The following TRPS1 variants were observed in gnomAD, a reference collection of about 807,000 sequenced individuals.
The protein encoded by TRPS1 is zinc finger transcription factor Trps1.
A neutral mutation model predicts 101.2 loss-of-function variants in TRPS1; 6 were observed. The observed-to-expected ratio is 0.06, with a 90% CI of 0.03 to 0.12. The LOEUF is 0.12. Among genes scored for constraint, TRPS1 ranks in the 10% least tolerant of loss-of-function variants. The probability of loss-of-function intolerance (pLI) is 1.00; values close to 1 mark genes in which losing one functional copy is unlikely to be tolerated. For synonymous variants in TRPS1, 578 were observed against 589.8 expected (o/e 0.98, Z 0.29); for missense variants, 1,363 against 1,567.0 (o/e 0.87, Z 2.20).
intron 5 of TRPS1, among the ~76,000 whole-genome samples, chr8:115,579,480 G>A (rs1260384628): frequency 6.6e-6 from 1 of 152,000 alleles, no homozygotes; most frequent in African/African-American, 2.4e-5. Context: ...ACAGGCAAAT[G>A]CAATTCAATA....
intron 3 of TRPS1, 132 bp downstream of exon 3, chr8:115,619,000 T>G: frequency 2.3e-6 from 2 of 881,562 alleles, no homozygotes; most frequent in South Asian, 3.1e-5. Context: ...CTATGGAGTG[T>G]GTCCATCTCT....
chr8:115,607,858 C>A (rs1273090641), intron 3 of TRPS1, among the ~76,000 whole-genome samples: 1 of 152,012 alleles, frequency 6.6e-6, no homozygotes, highest in East Asian at 1.9e-4. Flanking sequence ...TGACATACAA[C>A]ATTTAAATGC....
At chr8:115,424,960 C>G (rs1439371597) in intron 5 of TRPS1, among the ~76,000 whole-genome samples, 2 of 152,158 alleles carry the variant, frequency 1.3e-5, no homozygotes, top group African/African-American at 4.8e-5. Context: ...TGTCCCTCCC[C>G]TCTTCCCCTC....
chr8:115,591,718 A>G (rs1233726549), intron 4 of TRPS1, among the ~76,000 whole-genome samples: 1 of 152,186 alleles, frequency 6.6e-6, no homozygotes, highest in Non-Finnish European at 1.5e-5. Context: ...TACAAAGGAA[A>G]CAGAAAGTGC....
chr8:115,580,789 A>G (rs1359268028), intron 5 of TRPS1, among the ~76,000 whole-genome samples: 2 of 152,098 alleles, frequency 1.3e-5, no homozygotes, highest in Non-Finnish European at 2.9e-5. Flanking sequence ...AGTGCTATTA[A>G]TGTGGGTGGG....
chr8:115,569,821 C>T (rs1431814950), intron 5 of TRPS1, among the ~76,000 whole-genome samples: 1 of 151,922 alleles, frequency 6.6e-6, no homozygotes, highest in Non-Finnish European at 1.5e-5. Flanking sequence ...CAACACTTGC[C>T]AGCACTGTGT....
chr8:115,641,721 G>A (rs190510327), intron 1 of TRPS1, among the ~76,000 whole-genome samples: 1 of 152,036 alleles, frequency 6.6e-6, no homozygotes, highest in East Asian at 1.9e-4. Context: ...CTCTACTAAA[G>A]TACAAAAAAT....
rs561284240 is a variant in TRPS1 at position 115,536,180 on chromosome 8, C to G, written c.2700+50821G>C. On this transcript the variant is annotated intron_variant, in intron 5 of 6. Transcript: ENST00000395715. ...TTTTACATAATGTAATTCATTTAAT[C>G]CTAAACTTGCAAGAAATAGTTTTAA... Among the ~76,000 whole-genome samples, 108 of 152,052 alleles carry G rather than the reference C, an allele frequency of 7.1e-4. 1 individual carries two copies. The highest frequency in any genetic ancestry group is 2.5e-3 in the Admixed American group (38 of 15,268).
At chr8:115,536,024 GTACAATAATAAAAT>G (rs923750265) in intron 5 of TRPS1, among the ~76,000 whole-genome samples, 3 of 151,898 alleles carry the variant, frequency 2.0e-5, no homozygotes, top group African/African-American at 7.2e-5. Flanking sequence ...AGACTGAATT[GTACAATAATAAAAT>G]TAGATGATTA....
At chr8:115,567,764 T>C (rs1315003424) in intron 5 of TRPS1, among the ~76,000 whole-genome samples, 1 of 152,138 alleles carries the variant, frequency 6.6e-6, no homozygotes, top group Non-Finnish European at 1.5e-5. Flanking sequence ...ATGTGCTCCT[T>C]GGTCCATTTC....
chr8:115,515,124 G>A, intron 5 of TRPS1: 1 of 631,534 alleles, frequency 1.6e-6, no homozygotes, highest in South Asian at 1.7e-5. Flanking sequence ...TTAAGTTGGG[G>A]AGAATGATAG....
chr8:115,613,894 T>C (rs1219920522), intron 3 of TRPS1, among the ~76,000 whole-genome samples: 1 of 152,202 alleles, frequency 6.6e-6, no homozygotes, highest in African/African-American at 2.4e-5. Flanking sequence ...GAAAAATAAA[T>C]TTTACATTTG....
Position 115,563,294 on chromosome 8 carries a change from C to T in TRPS1, c.2700+23707G>A, listed in dbSNP as rs1446214561. Among the ~76,000 whole-genome samples, 3 of 151,940 alleles carry T rather than the reference C, an allele frequency of 2.0e-5. No homozygotes were observed. In the East Asian group the frequency reaches 5.8e-4, roughly 30 times the overall value. ...GTTGTCTGCATTTTCTTATTCACCA[C>T]TTAGGGCACAGGCAACTTGACACTA... On this transcript the variant is annotated intron_variant, in intron 5 of 6. Transcript: ENST00000395715.
chr8:115,556,713 G>A (rs1295580512), intron 5 of TRPS1, among the ~76,000 whole-genome samples: 1 of 152,000 alleles, frequency 6.6e-6, no homozygotes, highest in Non-Finnish European at 1.5e-5. Context: ...CAGCAAATCT[G>A]GCAACTTAAT....
Position 115,414,368 on chromosome 8 carries a change from C to A in TRPS1, c.3540G>T (p.Ala1180=), listed in dbSNP as rs764387571. ...GSDNDIPLDL[A]IKHSRPGPTA... Reference sequence around the variant, plus strand: ...TTGGCCCAGGTCTGGAATGCTTGATCGCCAAATCTAGAGGAATGTCATTGT... The same window carrying A: ...TTGGCCCAGGTCTGGAATGCTTGATAGCCAAATCTAGAGGAATGTCATTGT... Residue 1180 remains alanine, a synonymous_variant, in exon 7 of 7, where the codon GCG becomes GCT. Coordinates refer to ENST00000395715, the MANE Select transcript of TRPS1 (RefSeq NM_014112.5). This position sits in a 1 kb window ranked among gnomAD's most constrained non-coding sequence, Gnocchi z 4.8. 1.2e-6 allele frequency: 2 copies of A among 1,613,870 alleles called. No individual in the cohort carries two copies. The highest frequency in any genetic ancestry group is 1.7e-5 in the Admixed American group (1 of 59,934).
chr8:115,515,505 T>C (rs1199047213), intron 5 of TRPS1, among the ~76,000 whole-genome samples: 1 of 151,472 alleles, frequency 6.6e-6, no homozygotes, highest in African/African-American at 2.4e-5. Context: ...GTAACTGACC[T>C]AAATCAGGAC....
chr8:115,554,265 T>G (rs1248313625), intron 5 of TRPS1, among the ~76,000 whole-genome samples: 1 of 152,172 alleles, frequency 6.6e-6, no homozygotes, highest in Non-Finnish European at 1.5e-5. Context: ...TCTCCCTTTC[T>G]TTCAAGTCCT....
chr8:115,613,534 T>C (rs570426613), intron 3 of TRPS1, among the ~76,000 whole-genome samples: 50 of 152,340 alleles, frequency 3.3e-4, no homozygotes, highest in South Asian at 1.9e-3. Flanking sequence ...CCAGGCCATA[T>C]ATCAGTGTGG....
intron 5 of TRPS1, among the ~76,000 whole-genome samples, chr8:115,506,192 GA>G (rs950052851): frequency 1.7e-4 from 26 of 151,852 alleles, no homozygotes; most frequent in African/African-American, 4.8e-4. Flanking sequence ...ATAATTTCAT[GA>G]ATAATGTTAA....
Sources: gnomAD v4.1 joint callset for allele counts (sites outside exome capture counted in the v4.1 genomes callset) on GRCh38, gnomAD v4.1.1 for gene constraint, Gnocchi (gnomAD v3.1) non-coding constraint, MANE v1.5 for transcripts, NCBI Gene and HGNC (gene_info 2026-07-23, HGNC 2026-07-21) for gene names.